The following ULK4 variants were observed in gnomAD, a reference collection of about 807,000 sequenced individuals.
ULK4 encodes the protein inactive serine/threonine-protein kinase ULK4.
In ULK4, 133 loss-of-function variants were observed where a neutral mutation model predicts 160.6. That is an observed-to-expected ratio of 0.83 (90% CI 0.72 to 0.96). The LOEUF (loss-of-function observed/expected upper bound fraction) is 0.96. Among genes scored for constraint, ULK4 ranks in the 40% least tolerant of loss-of-function variants. The pLI is 0.00. For synonymous variants in ULK4, 534 were observed against 539.8 expected, an observed-to-expected ratio of 0.99 and a Z score of 0.15; for missense variants, 1,580 against 1,499.5, an observed-to-expected ratio of 1.05 and a Z score of -0.89.
At chr3:41,890,613 A>C (rs1222311113) in intron 16 of ULK4, among the ~76,000 whole-genome samples, 1 of 150,618 alleles carries the variant, frequency 6.6e-6, no homozygotes, top group Non-Finnish European at 1.5e-5. Flanking sequence ...CGGGAGGTGG[A>C]GGTTGCAGTG....
intron 2 of ULK4, among the ~76,000 whole-genome samples, chr3:41,952,974 C>G (rs1369946285): frequency 6.6e-6 from 1 of 151,580 alleles, no homozygotes; most frequent in South Asian, 2.1e-4. Flanking sequence ...CTGTATGATA[C>G]CATTTATATA....
At chr3:41,611,315 A>G (rs977796909) in intron 31 of ULK4, among the ~76,000 whole-genome samples, 10 of 152,088 alleles carry the variant, frequency 6.6e-5, no homozygotes, top group Admixed American at 3.9e-4. Context: ...CTGCTTGGGG[A>G]ACAGCACCCA....
At chr3:41,732,798 G>A (rs1160498513) in intron 22 of ULK4, among the ~76,000 whole-genome samples, 2 of 152,094 alleles carry the variant, frequency 1.3e-5, no homozygotes, top group Admixed American at 1.3e-4. Flanking sequence ...ACCATAAAAA[G>A]AATGAAATCT....
intron 34 of ULK4, among the ~76,000 whole-genome samples, chr3:41,428,595 G>C (rs1432637784): frequency 2.0e-5 from 3 of 152,088 alleles, no homozygotes; most frequent in African/African-American, 7.2e-5. Context: ...GAATAGAATA[G>C]AGATCTCAGA....
intron 35 of ULK4, among the ~76,000 whole-genome samples, chr3:41,388,318 G>A (rs1310995355): frequency 1.3e-5 from 2 of 151,894 alleles, no homozygotes. Context: ...CTCCCATTTT[G>A]TAGGTTGCCT....
intron 32 of ULK4, among the ~76,000 whole-genome samples, chr3:41,493,249 A>C (rs1288127229): frequency 6.8e-6 from 1 of 146,778 alleles, no homozygotes; most frequent in Non-Finnish European, 1.5e-5. Flanking sequence ...CAGTGCAATC[A>C]AACTAGAACT....
At chr3:41,764,284 T>C (rs1212704265) in intron 21 of ULK4, among the ~76,000 whole-genome samples, 1 of 152,248 alleles carries the variant, frequency 6.6e-6, no homozygotes, top group African/African-American at 2.4e-5. Context: ...CAGTTATGAA[T>C]TCAAGTCCAG....
chr3:41,743,842 T>G (rs1171678403), intron 22 of ULK4, among the ~76,000 whole-genome samples: 1 of 151,780 alleles, frequency 6.6e-6, no homozygotes, highest in Admixed American at 6.6e-5. Context: ...ATCTTTGTAT[T>G]TTTAGTAGAG....
intron 17 of ULK4, among the ~76,000 whole-genome samples, chr3:41,856,565 ATATATATATGTG>A (rs1236596424): frequency 7.3e-5 from 1 of 13,766 alleles, no homozygotes; most frequent in African/African-American, 2.1e-4. Context: ...ATATATACAC[ATATATATATGTG>A]TATATATATA....
intron 21 of ULK4, among the ~76,000 whole-genome samples, chr3:41,788,708 G>A (rs1319961253): frequency 1.3e-5 from 2 of 151,274 alleles, no homozygotes; most frequent in African/African-American, 4.9e-5. Context: ...AAGAAAAAAA[G>A]AAAAAGAAAA....
chr3:41,554,512 T>C (rs2087210265), intron 32 of ULK4, among the ~76,000 whole-genome samples: 1 of 152,086 alleles, frequency 6.6e-6, no homozygotes, highest in Admixed American at 6.6e-5. Flanking sequence ...GTTGATCTCA[T>C]GTAGGTAGAA....
intron 35 of ULK4, among the ~76,000 whole-genome samples, chr3:41,254,782 C>T (rs988254681): frequency 6.6e-6 from 1 of 151,672 alleles, no homozygotes; most frequent in African/African-American, 2.4e-5. Flanking sequence ...ACTCAGGAGG[C>T]TGAGGCAGGA....
chr3:41,391,625 T>A (rs1377488955), intron 35 of ULK4, among the ~76,000 whole-genome samples: 2 of 151,930 alleles, frequency 1.3e-5, no homozygotes, highest in East Asian at 3.9e-4. Context: ...CCTGGTTTCC[T>A]CATCTGGTCT....
chr3:41,961,568 C>G (rs906077729), intron 1 of ULK4, among the ~76,000 whole-genome samples: 8 of 138,638 alleles, frequency 5.8e-5, no homozygotes, highest in African/African-American at 1.9e-4. Context: ...CCCCCCCCCC[C>G]CCGCTCCCCA....
intron 5 of ULK4, among the ~76,000 whole-genome samples, chr3:41,927,458 G>C (rs188230686): frequency 3.3e-5 from 5 of 152,170 alleles, no homozygotes; most frequent in African/African-American, 9.6e-5. Flanking sequence ...AAAATAACCA[G>C]CTAACATCAT....
chr3:41,599,776 G>T (rs1189839945), intron 31 of ULK4, among the ~76,000 whole-genome samples: 2 of 151,868 alleles, frequency 1.3e-5, no homozygotes, highest in Non-Finnish European at 2.9e-5. Context: ...TGCTGGCCAG[G>T]CTGGTCTCGA....
intron 34 of ULK4, among the ~76,000 whole-genome samples, chr3:41,408,307 A>G (rs961407191): frequency 2.0e-5 from 3 of 151,270 alleles, no homozygotes; most frequent in Admixed American, 6.6e-5. Context: ...GGGCGCCTGT[A>G]GTCCCAGCTA....
intron 35 of ULK4, among the ~76,000 whole-genome samples, chr3:41,329,318 C>G (rs1360511290): frequency 1.3e-5 from 2 of 152,168 alleles, no homozygotes; most frequent in African/African-American, 4.8e-5. Context: ...ATCTGGGGAG[C>G]AGTGACTTCA....
At chr3:41,637,152 A>T (rs1274536137) in intron 30 of ULK4, among the ~76,000 whole-genome samples, 1 of 152,158 alleles carries the variant, frequency 6.6e-6, no homozygotes, top group African/African-American at 2.4e-5. Context: ...TGGACATTAC[A>T]TCCTAACTGA....
Sources: allele counts gnomAD v4.1 joint callset (sites outside exome capture counted in the v4.1 genomes callset), GRCh38; gene constraint gnomAD v4.1.1; transcripts MANE v1.5; gene names NCBI Gene and HGNC (gene_info 2026-07-23, HGNC 2026-07-21).